The following TLE3 variants were observed in gnomAD, a reference collection of about 807,000 sequenced individuals.
TLE3 encodes the protein transducin-like enhancer protein 3.
In TLE3, 14 loss-of-function variants were observed where a neutral mutation model predicts 93.0. That is an observed-to-expected ratio of 0.15 (90% confidence interval 0.10 to 0.24). The LOEUF (loss-of-function observed/expected upper bound fraction) is 0.24. Among genes scored for constraint, TLE3 ranks in the 10% least tolerant of loss-of-function variants. The pLI is 1.00. For synonymous variants in TLE3, 451 were observed against 425.0 expected, an observed-to-expected ratio of 1.06 and a Z score of -0.75; for missense variants, 693 against 1,046.6, an observed-to-expected ratio of 0.66 and a Z score of 4.66.
intron 7 of TLE3, among the ~76,000 whole-genome samples, chr15:70,065,317 C>G (rs776217118): frequency 5.9e-5 from 9 of 152,222 alleles, no homozygotes; most frequent in Non-Finnish European, 1.3e-4. Context: ...TCCAATGAAC[C>G]ACTCCTGAGG....
In TLE3 at chr15:70,055,243, G is replaced by T. The variant is rs747553373; in HGVS notation, c.1384C>A (p.His462Asn). The T allele has an allele frequency of 3.1e-6, 5 of 1,611,504 alleles. No homozygotes were observed. Among genetic ancestry groups the T allele is most frequent in the Admixed American group, 1.7e-5 (1 of 59,974 alleles). Residue 462 changes from histidine (H) to asparagine (N), a missense_variant, in exon 15 of 20, where the codon CAC becomes AAC. Transcript: ENST00000451782. ...DGQMQPVPFP[H>N]DALAGPGIPR... ...ATGCCGGGGCCTGCCAGGGCGTCGT[G>T]GGGGAAGGGCACGGGCTGCATCTGC...
At chr15:70,080,298 T>C (rs2057705999) in intron 4 of TLE3, among the ~76,000 whole-genome samples, 1 of 151,876 alleles carries the variant, frequency 6.6e-6, no homozygotes, top group African/African-American at 2.4e-5. Context: ...TGGTGGGAGG[T>C]GGGAAGATGG....
intron 9 of TLE3, 139 bp downstream of exon 9, chr15:70,060,391 T>C (rs775850437): frequency 5.5e-6 from 6 of 1,094,728 alleles, no homozygotes; most frequent in Non-Finnish European, 7.8e-6. Flanking sequence ...CTCTCCTCAA[T>C]AGGGTCCCCT....
chr15:70,064,371 A>C, intron 8 of TLE3, 83 bp downstream of exon 8: 1 of 1,556,724 alleles, frequency 6.4e-7, no homozygotes, highest in Non-Finnish European at 8.8e-7. Context: ...GACTGGTCTC[A>C]GGCCCGCGAT....
At chr15:70,073,341 G>C (rs989032780) in intron 6 of TLE3, among the ~76,000 whole-genome samples, 1 of 152,134 alleles carries the variant, frequency 6.6e-6, no homozygotes, top group Admixed American at 6.5e-5. Context: ...CAGACCTCCA[G>C]GTCTCTGCCC....
chr15:70,053,623 A>G lies in TLE3; in HGVS notation c.1827-249T>C, dbSNP rs58014300. 1,000 of 365,374 alleles carry G rather than the reference A, an allele frequency of 2.7e-3. 7 individuals are homozygous for G. The highest frequency in any genetic ancestry group is 0.019 in the African/African-American group (935 of 48,516). The allele number at this position is 365,374 out of a possible 1,614,324, so 22.6% of individuals were successfully genotyped here. On this transcript the variant is annotated intron_variant, in intron 16 of 19. Transcript: ENST00000451782. ...GGGAAATGGGGGGGGGAGGTGAAAA[A>G]GGGACCTTGCACTAGCCTTCTGAGA...
intron 15 of TLE3, 158 bp from the exon 16 acceptor site, chr15:70,054,843 C>G (rs1285305521): frequency 8.0e-7 from 1 of 1,246,526 alleles, no homozygotes; most frequent in African/African-American, 1.5e-5. Context: ...AAATTCACAA[C>G]CCTTTGATCT....
chr15:70,074,719 T>A, intron 5 of TLE3, 112 bp from the exon 6 acceptor site: 1 of 811,354 alleles, frequency 1.2e-6, no homozygotes, highest in South Asian at 1.9e-5. Flanking sequence ...GACAGAGGAG[T>A]CCCACTGAAC....
Position 70,074,519 on chromosome 15 carries a change from G to A in TLE3, c.372+14C>T. ...TATACACACGGTAAGAGGCAGATTGGGGAGTCCACGTACCCCGATGATGGC... is the reference window on the plus strand; with the variant it reads ...TATACACACGGTAAGAGGCAGATTGAGGAGTCCACGTACCCCGATGATGGC... On this transcript the variant is annotated intron_variant, in intron 6 of 19. Transcript: ENST00000451782. The A allele has an allele frequency of 1.9e-6, 3 of 1,609,752 alleles. No individual in the cohort carries two copies. The highest frequency in any genetic ancestry group is 2.5e-6 in the Non-Finnish European group (3 of 1,177,934).
rs916877722 is a variant in TLE3 at position 70,055,439 on chromosome 15, G to C, written c.1329-141C>G. On this transcript the variant is annotated intron_variant, in intron 14 of 19. Coordinates refer to ENST00000451782, the MANE Select transcript of TLE3 (RefSeq NM_001105192.3). ...TCTGCTCTGAAACCATTCGAACCCA[G>C]TAACCCCATGTACTGGGATGGCTCC... The C allele has an allele frequency of 7.4e-6, 9 of 1,219,620 alleles. No homozygotes were observed. In the African/African-American group the frequency reaches 1.4e-4, roughly 19 times the overall value. 75.5% of individuals were successfully genotyped at this position (1,219,620 alleles called of 1,614,324 possible).
chr15:70,054,313 A>G, intron 16 of TLE3, 125 bp downstream of exon 16: 5 of 1,395,850 alleles, frequency 3.6e-6, no homozygotes, highest in Non-Finnish European at 4.8e-6. Context: ...TGCATCCCTC[A>G]TCCCAACGGT....
chr15:70,070,247 C>G (rs1165741271), intron 6 of TLE3, among the ~76,000 whole-genome samples: 3 of 152,222 alleles, frequency 2.0e-5, no homozygotes, highest in Admixed American at 2.0e-4. Flanking sequence ...GTGATAAGCA[C>G]CCATGGCCTG....
Position 70,097,778 on chromosome 15 carries a change from C to A in TLE3, c.-980G>T. 2.5e-6 allele frequency: 1 copy of A among 392,420 alleles called. No homozygotes were observed. Among genetic ancestry groups the A allele is most frequent in the Non-Finnish European group, 4.5e-6 (1 of 223,010 alleles). The allele number at this position is 392,420 out of a possible 1,614,324, so 24.3% of individuals were successfully genotyped here. ...GGCAAACCCCCAAAACACACACACC[C>A]AACACACACACACGCGCGCACGCAC... On this transcript the variant is annotated 5_prime_UTR_variant, in exon 1 of 20. Coordinates refer to ENST00000451782, the MANE Select transcript of TLE3 (RefSeq NM_001105192.3).
At chr15:70,063,141 T>C (rs943103445) in intron 8 of TLE3, among the ~76,000 whole-genome samples, 2 of 152,076 alleles carry the variant, frequency 1.3e-5, no homozygotes, top group African/African-American at 2.4e-5. Context: ...AGCTGAGAGG[T>C]TGGTCAAGCA....
Position 70,064,439 on chromosome 15 carries a change from A to T in TLE3, c.594+15T>A. On this transcript the variant is annotated intron_variant, in intron 8 of 19. Coordinates refer to ENST00000451782, the MANE Select transcript of TLE3 (RefSeq NM_001105192.3). ...ACCCAAACACCCCTCCGGGTTCCAG[A>T]GTGCCAACACTTACCGCACTGGATT... is the stretch of plus-strand genomic sequence containing the variant. 6.2e-7 allele frequency: 1 copy of T among 1,613,654 alleles called. No homozygotes were observed. The highest frequency in any genetic ancestry group is 8.5e-7 in the Non-Finnish European group (1 of 1,179,668).
intron 1 of TLE3, chr15:70,096,557 A>G: frequency 1.4e-6 from 2 of 1,444,618 alleles, no homozygotes. Flanking sequence ...CCGCGTGAAC[A>G]GCTCCCCCTG....
chr15:70,057,977 G>T, intron 12 of TLE3, 182 bp downstream of exon 12: 1 of 1,015,262 alleles, frequency 9.8e-7, no homozygotes, highest in Non-Finnish European at 1.4e-6. Flanking sequence ...GTCTGGCCCA[G>T]CAGGGGTCCC....
In TLE3 at chr15:70,071,823, T is replaced by G. The variant is rs190225036; in HGVS notation, c.372+2710A>C. Reference sequence around the variant, plus strand: ...CTGCCCTTTCCTGCTGGGGCCAGGATGCCTGCCCTTTTGCTCAGCCCATGG... The same window carrying G: ...CTGCCCTTTCCTGCTGGGGCCAGGAGGCCTGCCCTTTTGCTCAGCCCATGG... On this transcript the variant is annotated intron_variant, in intron 6 of 19. Transcript: ENST00000451782. Among the ~76,000 whole-genome samples, 879 of 152,312 alleles carry G rather than the reference T, an allele frequency of 5.8e-3. 6 individuals are homozygous for G. Among genetic ancestry groups the G allele is most frequent in the African/African-American group, 0.02 (837 of 41,562 alleles).
intron 8 of TLE3, 63 bp from the exon 9 acceptor site, chr15:70,060,712 G>C: frequency 6.3e-7 from 1 of 1,593,218 alleles, no homozygotes; most frequent in South Asian, 1.1e-5. Context: ...TCACACATCC[G>C]CACACAGCTA....
Sources: allele counts gnomAD v4.1 joint callset (sites outside exome capture counted in the v4.1 genomes callset), GRCh38; gene constraint gnomAD v4.1.1; transcripts MANE v1.5; gene names NCBI Gene and HGNC (gene_info 2026-07-23, HGNC 2026-07-21).